Variants in FARSB observed in about 807,000 individuals in gnomAD.
FARSB encodes phenylalanine--tRNA ligase beta subunit.
A neutral mutation model predicts 69.6 loss-of-function variants in FARSB; 40 were observed. The observed-to-expected ratio is 0.57, with a 90% CI of 0.45 to 0.75. FARSB has a LOEUF of 0.75. FARSB is among the 30% of genes least tolerant of loss of function. The pLI is 0.00. For missense variants in FARSB, 632 were observed against 722.9 expected, an observed-to-expected ratio of 0.87 and a Z score of 1.44; for synonymous variants, 235 against 247.2, an observed-to-expected ratio of 0.95 and a Z score of 0.46.
chr2:222,570,089 T>C lies in FARSB; in HGVS notation c.*1782A>G, dbSNP rs767036455. On this transcript the variant is annotated 3_prime_UTR_variant, in exon 17 of 17. Transcript: ENST00000281828. ...TAAATTTTAGCCATTTTAATGGGTA[T>C]GCAGTTTGTCATTGTGAATTTTAGT... Among the ~76,000 whole-genome samples the C allele has an allele frequency of 2.0e-5, 3 of 152,240 alleles. No homozygotes were observed. The highest frequency in any genetic ancestry group is 4.4e-5 in the Non-Finnish European group (3 of 68,048).
At chr2:222,574,826 A>G (rs1689796949) in intron 16 of FARSB, among the ~76,000 whole-genome samples, 1 of 152,210 alleles carries the variant, frequency 6.6e-6, no homozygotes, top group African/African-American at 2.4e-5. Flanking sequence ...CTCCTCATAC[A>G]CAAATTAAGT....
chr2:222,606,827 CAG>C (rs1690714503), intron 15 of FARSB, among the ~76,000 whole-genome samples: 1 of 152,174 alleles, frequency 6.6e-6, no homozygotes, highest in Admixed American at 6.5e-5. Flanking sequence ...TGGAAAAGAG[CAG>C]AGTCTTCCAG....
intron 10 of FARSB, among the ~76,000 whole-genome samples, chr2:222,627,564 T>C (rs1381928598): frequency 6.6e-6 from 1 of 152,186 alleles, no homozygotes; most frequent in Non-Finnish European, 1.5e-5. Context: ...GATAAATAAA[T>C]GGTTGTTGTT....
chr2:222,640,828 TTTTAAAAGAAAA>T, intron 4 of FARSB, 22 bp downstream of exon 4: 1 of 1,201,534 alleles, frequency 8.3e-7, no homozygotes, highest in Non-Finnish European at 1.2e-6. Flanking sequence ...AAAAGAAAAT[TTTTAAAAGAAAA>T]ATAAGAATTT....
At chr2:222,646,032 A>G (rs966665234) in intron 2 of FARSB, among the ~76,000 whole-genome samples, 1 of 152,212 alleles carries the variant, frequency 6.6e-6, no homozygotes, top group Non-Finnish European at 1.5e-5. Context: ...CTATCATTCA[A>G]ATTATAAAAG....
chr2:222,606,740 G>A lies in FARSB; in HGVS notation c.1463-6657C>T, dbSNP rs114206668. The stretch of plus-strand genomic sequence containing the variant: ...AATTTTTCAAATAGGCTCCTGTTTG[G>A]TATAGATCCTCTTCCACCAAAGTAC... On this transcript the variant is annotated intron_variant, in intron 15 of 16. Transcript: ENST00000281828. Among the ~76,000 whole-genome samples the A allele has an allele frequency of 7.9e-3, 1,208 of 152,240 alleles. 15 individuals carry two copies. The highest frequency in any genetic ancestry group is 0.028 in the African/African-American group (1,162 of 41,536).
At chr2:222,630,006 G>T in intron 9 of FARSB, 107 bp downstream of exon 9, 1 of 696,198 alleles carries the variant, frequency 1.4e-6, no homozygotes. Flanking sequence ...CTCCCAAAGT[G>T]CTGGGATTAT....
At chr2:222,630,923 A>G (rs1393092724) in intron 8 of FARSB, among the ~76,000 whole-genome samples, 1 of 152,210 alleles carries the variant, frequency 6.6e-6, no homozygotes, top group African/African-American at 2.4e-5. Flanking sequence ...TATAAGATGT[A>G]CATGAATACC....
intron 2 of FARSB, chr2:222,644,455 G>A (rs1476346374): frequency 1.1e-5 from 5 of 435,554 alleles, no homozygotes; most frequent in Admixed American, 2.4e-5. Context: ...AAAGAGAAGA[G>A]GAAGAATTCG....
chr2:222,572,583 G>A (rs981399466), intron 16 of FARSB, among the ~76,000 whole-genome samples: 10 of 152,158 alleles, frequency 6.6e-5, no homozygotes, highest in African/African-American at 2.4e-4. Context: ...TCTGATGACA[G>A]GCCATGCTAC....
chr2:222,646,978 A>G (rs1691882033), intron 2 of FARSB, among the ~76,000 whole-genome samples: 1 of 152,238 alleles, frequency 6.6e-6, no homozygotes, highest in Non-Finnish European at 1.5e-5. Flanking sequence ...CACCTTGGAC[A>G]TAAAAGCTCT....
chr2:222,590,163 C>T (rs1169133478), intron 16 of FARSB, among the ~76,000 whole-genome samples: 1 of 152,160 alleles, frequency 6.6e-6, no homozygotes. Flanking sequence ...GGCACATATA[C>T]ACCACGGAAT....
chr2:222,601,901 G>T (rs1320327287), intron 15 of FARSB, among the ~76,000 whole-genome samples: 2 of 152,110 alleles, frequency 1.3e-5, no homozygotes, highest in Non-Finnish European at 2.9e-5. Context: ...GGGCTCAAGT[G>T]ATCCTCCTGC....
chr2:222,640,974 C>A, intron 3 of FARSB, 43 bp from the exon 4 acceptor site: 1 of 966,770 alleles, frequency 1.0e-6, no homozygotes, highest in Non-Finnish European at 1.6e-6. Flanking sequence ...TTAATCAAGA[C>A]ATTATATAAA....
chr2:222,642,924 C>T lies in FARSB; in HGVS notation c.196G>A (p.Asp66Asn). Residue 66 changes from aspartate (D) to asparagine (N), a missense_variant, in exon 3 of 17, where the codon GAC becomes AAC. Asp to Asn is a conservative substitution (Grantham distance 23). Coordinates refer to ENST00000281828, the MANE Select transcript of FARSB (RefSeq NM_005687.5). ...AGATCATATCTATTGGCAGGGACGT[C>T]AATTTTGTAAAGAACAACATCAGAG... ...GASDVVLYKI[D>N]VPANRYDLLC... is the part of the protein sequence containing the mutation. 2 of 1,612,936 alleles carry T rather than the reference C, an allele frequency of 1.2e-6. No homozygotes were observed. The highest frequency in any genetic ancestry group is 1.7e-6 in the Non-Finnish European group (2 of 1,178,964).
At chr2:222,598,455 C>T (rs1318813774) in intron 16 of FARSB, among the ~76,000 whole-genome samples, 2 of 152,242 alleles carry the variant, frequency 1.3e-5, no homozygotes, top group Admixed American at 1.3e-4. Context: ...ACCATTTCAG[C>T]TCTTTGCAAC....
intron 4 of FARSB, among the ~76,000 whole-genome samples, chr2:222,640,037 T>C (rs1049485796): frequency 6.6e-6 from 1 of 152,244 alleles, no homozygotes; most frequent in Non-Finnish European, 1.5e-5. Context: ...TCAAATGTGT[T>C]TTAAACATGC....
At chr2:222,574,171 A>G (rs1165209579) in intron 16 of FARSB, among the ~76,000 whole-genome samples, 1 of 145,178 alleles carries the variant, frequency 6.9e-6, no homozygotes, top group Non-Finnish European at 1.5e-5. Context: ...TTTTTTTTTT[A>G]GCAAAATTCA....
At position 222,648,802 on chromosome 2, in the gene FARSB, A is replaced by G; in HGVS notation, c.59-7T>C. 1 of 1,593,846 alleles carries G rather than the reference A, an allele frequency of 6.3e-7. No homozygotes were observed. The highest frequency in any genetic ancestry group is 8.6e-7 in the Non-Finnish European group (1 of 1,161,618). ...TCATCAAATTCTTCGTCAGCTAGGA[A>G]AATAAAAAAGGAGATGGTTAATTTC... On this transcript the variant is annotated splice_polypyrimidine_tract_variant and splice_region_variant and intron_variant, in intron 1 of 16. Transcript: ENST00000281828.
Sources: allele counts gnomAD v4.1 joint callset (sites outside exome capture counted in the v4.1 genomes callset), GRCh38; gene constraint gnomAD v4.1.1; transcripts MANE v1.5; gene names NCBI Gene and HGNC (gene_info 2026-07-23, HGNC 2026-07-21).